Variants in TNKS observed in about 807,000 individuals in gnomAD.
The protein encoded by TNKS is poly [ADP-ribose] polymerase tankyrase-1.
A neutral mutation model predicts 135.8 loss-of-function variants in TNKS; 72 were observed. That is an observed-to-expected ratio of 0.53 (90% CI 0.44 to 0.64). TNKS has a LOEUF of 0.64. Among genes scored for constraint, TNKS ranks in the 30% least tolerant of loss-of-function variants. The pLI is 0.00. For missense variants in TNKS, 1,769 were observed against 1,674.0 expected (o/e 1.06, Z -0.99); for synonymous variants, 849 against 649.3 (o/e 1.31, Z -4.68).
intron 1 of TNKS, 183 bp downstream of exon 1, chr8:9,556,795 G>C: frequency 4.4e-6 from 2 of 454,074 alleles, no homozygotes; most frequent in East Asian, 5.4e-5. Flanking sequence ...GCGTGGTTGG[G>C]GGGGATAAGT....
At chr8:9,674,898 A>G (rs913366120) in intron 3 of TNKS, among the ~76,000 whole-genome samples, 1 of 152,220 alleles carries the variant, frequency 6.6e-6, no homozygotes, top group African/African-American at 2.4e-5. Flanking sequence ...AATTGGTGGT[A>G]TGGACTTTGA....
At chr8:9,642,746 G>C (rs983034354) in intron 3 of TNKS, among the ~76,000 whole-genome samples, 1 of 145,598 alleles carries the variant, frequency 6.9e-6, no homozygotes, top group Non-Finnish European at 1.5e-5. Flanking sequence ...TGGACGTTTA[G>C]TAAAAACATG....
intron 26 of TNKS, among the ~76,000 whole-genome samples, chr8:9,771,738 A>C (rs994516198): frequency 2.7e-5 from 3 of 112,436 alleles, no homozygotes; most frequent in African/African-American, 1.1e-4. Context: ...AGGGAGTGAG[A>C]AAGGAAGGAT....
At chr8:9,588,885 C>T (rs1288944210) in intron 2 of TNKS, among the ~76,000 whole-genome samples, 1 of 152,134 alleles carries the variant, frequency 6.6e-6, no homozygotes, top group East Asian at 1.9e-4. Flanking sequence ...ACCCCATAGC[C>T]TTATTTCAAA....
chr8:9,639,670 A>G (rs1287423807), intron 3 of TNKS, among the ~76,000 whole-genome samples: 1 of 152,186 alleles, frequency 6.6e-6, no homozygotes, highest in Non-Finnish European at 1.5e-5. Flanking sequence ...AATTAAATAA[A>G]CTTAATTTTA....
chr8:9,692,172 A>G (rs544526825), intron 5 of TNKS, among the ~76,000 whole-genome samples: 1 of 152,280 alleles, frequency 6.6e-6, no homozygotes, highest in South Asian at 2.1e-4. Context: ...TAGTGAGCAT[A>G]ATACCCAACG....
At chr8:9,578,309 C>T (rs543645117) in intron 1 of TNKS, among the ~76,000 whole-genome samples, 7 of 152,194 alleles carry the variant, frequency 4.6e-5, no homozygotes, top group African/African-American at 1.4e-4. Flanking sequence ...GGAAGGAAGT[C>T]GAAGTTAGAG....
chr8:9,558,537 T>A (rs1033244915), intron 1 of TNKS: 1 of 152,146 alleles, frequency 6.6e-6, no homozygotes, highest in Non-Finnish European at 1.5e-5. Flanking sequence ...CCATCCCACT[T>A]TATGCGTAAT....
intron 1 of TNKS, chr8:9,575,477 A>C: frequency 1.1e-6 from 1 of 951,440 alleles, no homozygotes; most frequent in Non-Finnish European, 1.3e-6. Flanking sequence ...GACCAACCAA[A>C]AAGAAAAGAT....
intron 17 of TNKS, chr8:9,741,718 A>G (rs773340021): frequency 1.7e-5 from 9 of 530,104 alleles, no homozygotes; most frequent in Non-Finnish European, 3.1e-5. Flanking sequence ...TGAAGACAGT[A>G]AAATGTACAG....
intron 5 of TNKS, among the ~76,000 whole-genome samples, chr8:9,697,709 G>GA (rs1803583323): frequency 6.6e-6 from 1 of 152,044 alleles, no homozygotes; most frequent in African/African-American, 2.4e-5. Context: ...AATCATCAGA[G>GA]AAACGCAAAT....
At chr8:9,570,105 C>T (rs1797700160) in intron 1 of TNKS, among the ~76,000 whole-genome samples, 1 of 151,820 alleles carries the variant, frequency 6.6e-6, no homozygotes, top group Non-Finnish European at 1.5e-5. Context: ...AAAAATTGTT[C>T]TTTTTTAAGC....
At chr8:9,761,473 G>T (rs764894459) in intron 20 of TNKS, 43 bp from the exon 21 acceptor site, 9 of 1,603,934 alleles carry the variant, frequency 5.6e-6, no homozygotes, top group Non-Finnish European at 7.7e-6. Flanking sequence ...GTCCTCTTAA[G>T]AACTGTTAAA....
At chr8:9,754,922 T>A (rs936140528) in intron 20 of TNKS, among the ~76,000 whole-genome samples, 1 of 152,210 alleles carries the variant, frequency 6.6e-6, no homozygotes, top group Admixed American at 6.5e-5. Context: ...CCTTATTCCC[T>A]AACTGAAGGT....
intron 17 of TNKS, among the ~76,000 whole-genome samples, chr8:9,746,881 C>CTTTTTTT (rs10672387): frequency 0.057 from 6,625 of 116,848 alleles, 458 homozygotes; most frequent in South Asian, 0.12. Context: ...CCTACTTAAA[C>CTTTTTTT]TTTTTTTTTT....
intron 5 of TNKS, among the ~76,000 whole-genome samples, chr8:9,694,881 T>G (rs1162740187): frequency 6.6e-6 from 1 of 152,128 alleles, no homozygotes; most frequent in Non-Finnish European, 1.5e-5. Flanking sequence ...ATAATAGTCC[T>G]AAGAAATTAA....
chr8:9,706,321 C>G, intron 7 of TNKS, 68 bp downstream of exon 7: 1 of 1,231,308 alleles, frequency 8.1e-7, no homozygotes, highest in South Asian at 1.6e-5. Flanking sequence ...TCATGACTTT[C>G]CATACTTTCG....
At chr8:9,651,281 CT>C (rs1801139415) in intron 3 of TNKS, among the ~76,000 whole-genome samples, 1 of 151,870 alleles carries the variant, frequency 6.6e-6, no homozygotes. Context: ...AAAATAGCAG[CT>C]AAAGTTTATG....
chr8:9,595,016 T>G (rs1798722830), intron 2 of TNKS, among the ~76,000 whole-genome samples: 1 of 152,236 alleles, frequency 6.6e-6, no homozygotes, highest in African/African-American at 2.4e-5. Flanking sequence ...AGTGAAGCCT[T>G]GAAAATCTGA....
Sources: gnomAD v4.1 joint callset for allele counts (sites outside exome capture counted in the v4.1 genomes callset) on GRCh38, gnomAD v4.1.1 for gene constraint, MANE v1.5 for transcripts, NCBI Gene and HGNC (gene_info 2026-07-23, HGNC 2026-07-21) for gene names.